Variants in TMEM243 observed in about 807,000 individuals in gnomAD.
TMEM243 encodes MDR1 and mitochondrial taxol resistance associated.
TMEM243 carries 20 observed loss-of-function variants against 15.0 expected under a neutral mutation model. That is an observed-to-expected ratio of 1.33 (90% CI 0.94 to 1.93). The LOEUF is 1.93. TMEM243 is among the 30% of genes most tolerant of loss of function. The pLI is 0.00. For missense variants in TMEM243, 156 were observed against 142.1 expected, an observed-to-expected ratio of 1.10 and a Z score of -0.50; for synonymous variants, 72 against 52.7, an observed-to-expected ratio of 1.37 and a Z score of -1.59.
At chr7:87,209,958 G>T (rs114581935) in intron 1 of TMEM243, among the ~76,000 whole-genome samples, 3,084 of 127,218 alleles carry the variant, frequency 0.024, 154 homozygotes, top group African/African-American at 0.089. Flanking sequence ...CAGAGAGACA[G>T]AGGAGGGGGA....
intron 1 of TMEM243, among the ~76,000 whole-genome samples, chr7:87,201,624 T>C (rs994016351): frequency 1.3e-5 from 2 of 152,214 alleles, no homozygotes; most frequent in Admixed American, 1.3e-4. Context: ...AAAGGACAGT[T>C]TGGGGAATAA....
chr7:87,200,705 C>CT (rs1352208085), intron 1 of TMEM243, among the ~76,000 whole-genome samples: 1 of 152,192 alleles, frequency 6.6e-6, no homozygotes. Context: ...GGTAATATGA[C>CT]TGTTTCACAG....
At chr7:87,200,906 A>G (rs796374267) in intron 1 of TMEM243, among the ~76,000 whole-genome samples, 10 of 152,354 alleles carry the variant, frequency 6.6e-5, no homozygotes, top group African/African-American at 2.4e-4. Flanking sequence ...GCCTATTAGC[A>G]AAGTACTACA....
chr7:87,218,200 T>C (rs865998864), intron 1 of TMEM243, among the ~76,000 whole-genome samples: 25 of 152,336 alleles, frequency 1.6e-4, no homozygotes, highest in African/African-American at 6.0e-4. Flanking sequence ...AAGTACATAA[T>C]GGTCAATAAA....
chr7:87,196,693 AAATATGATATAGTAAATTAGCTTT>A lies in TMEM243; in HGVS notation c.276_299del (p.Arg92_Phe100delinsSer). On this transcript the variant is annotated inframe_deletion, in exon 4 of 4. Coordinates refer to ENST00000257637, the MANE Select transcript of TMEM243 (RefSeq NM_024315.4). Reference sequence around the variant, plus strand: ...CACATATACACAACATGATGATAGAAAATATGATATAGTAAATTAGCTTTCTAAATTTCGGTTCTAAGTCTCCTT... The same window carrying A: ...CACATATACACAACATGATGATAGAACTAAATTTCGGTTCTAAGTCTCCTT... 6.2e-7 allele frequency: 1 copy of A among 1,610,000 alleles called. No homozygotes were observed. Among genetic ancestry groups the A allele is most frequent in the Non-Finnish European group, 8.5e-7 (1 of 1,177,866 alleles).
intron 1 of TMEM243, among the ~76,000 whole-genome samples, chr7:87,205,341 A>AT (rs555923491): frequency 0.012 from 1,644 of 142,312 alleles, 10 homozygotes; most frequent in Middle Eastern, 0.043. Context: ...TCTCCTCAGG[A>AT]TTTTTTTTTT....
Position 87,196,641 on chromosome 7 carries a change from T to TTCCCACATCATGG in TMEM243, c.339_351dup (p.Arg118ProfsTer2). On this transcript the variant is annotated stop_gained and frameshift_variant, in exon 4 of 4. Transcript: ENST00000257637. LOFTEE classifies it high-confidence loss of function. ...AGTACTTCTCCTTGGCAGCCTCACC[T>TTCCCACATCATGG]TCCCACATCATGGAAGTACAGGTTT... The TTCCCACATCATGG allele has an allele frequency of 6.2e-7, 1 of 1,608,628 alleles. No homozygotes were observed. The highest frequency in any genetic ancestry group is 8.5e-7 in the Non-Finnish European group (1 of 1,177,658).
In TMEM243 at chr7:87,198,019, G is replaced by A. The variant is rs1801481716; in HGVS notation, c.156C>T (p.Phe52=). Residue 52 remains phenylalanine, a synonymous_variant, in exon 3 of 4, where the codon TTC becomes TTT. Coordinates refer to ENST00000257637, the MANE Select transcript of TMEM243 (RefSeq NM_024315.4). ...ILVTLISAFV[F]PQLPPKPLNI... is the part of the protein sequence containing the mutation. ...TCAACGGTTTTGGAGGTAGTTGAGG[G>A]AAAACAAAAGCACTTATCAGCGTTA... 7 of 1,612,592 alleles carry A rather than the reference G, an allele frequency of 4.3e-6. No individual in the cohort carries two copies. Among genetic ancestry groups the A allele is most frequent in the Non-Finnish European group, 5.9e-6 (7 of 1,179,058 alleles).
intron 1 of TMEM243, among the ~76,000 whole-genome samples, chr7:87,209,772 G>GACACAGTGAGAGCGAGAC (rs779839859): frequency 2.1e-5 from 1 of 46,826 alleles, no homozygotes; most frequent in African/African-American, 5.9e-5. Context: ...GTGAGAGCGA[G>GACACAGTGAGAGCGAGAC]ACAGAGCGAG....
chr7:87,206,626 A>G (rs973791702), intron 1 of TMEM243, among the ~76,000 whole-genome samples: 1 of 152,250 alleles, frequency 6.6e-6, no homozygotes, highest in African/African-American at 2.4e-5. Context: ...CAGGAGCAGG[A>G]CAGAGTGAGA....
In TMEM243 at chr7:87,215,918, C is replaced by T. The variant is rs929565992; in HGVS notation, c.78+3508G>A. 2.0e-5 allele frequency among the ~76,000 whole-genome samples: 3 copies of T among 152,140 alleles called. No individual in the cohort carries two copies. The South Asian group carries it at 6.2e-4, about 32-fold the overall frequency. On this transcript the variant is annotated intron_variant, in intron 1 of 3. Coordinates refer to ENST00000257637, the MANE Select transcript of TMEM243 (RefSeq NM_024315.4). Reference sequence around the variant, plus strand: ...CTTTGAGAGGCTGAGGTGGGAGGATCGCTTGAGGCCACTAGTTTGAGACCA... The same window carrying T: ...CTTTGAGAGGCTGAGGTGGGAGGATTGCTTGAGGCCACTAGTTTGAGACCA...
At chr7:87,218,965 CT>C (rs1189774277) in intron 1 of TMEM243, among the ~76,000 whole-genome samples, 1 of 152,166 alleles carries the variant, frequency 6.6e-6, no homozygotes, top group Admixed American at 6.5e-5. Flanking sequence ...CCTCAAGCCT[CT>C]CCCCTTTCCT....
chr7:87,201,516 C>T (rs1324287245), intron 1 of TMEM243, among the ~76,000 whole-genome samples: 1 of 152,274 alleles, frequency 6.6e-6, no homozygotes, highest in South Asian at 2.1e-4. Context: ...CTTCCCTGGG[C>T]CTAGAGATTA....
chr7:87,213,379 TGAGAG>T (rs1420669267), intron 1 of TMEM243, among the ~76,000 whole-genome samples: 1 of 152,322 alleles, frequency 6.6e-6, no homozygotes, highest in Admixed American at 6.5e-5. Flanking sequence ...GCAGGCTGAA[TGAGAG>T]GAGAGGAGAG....
intron 3 of TMEM243, chr7:87,197,573 A>G (rs1001833429): frequency 5.3e-5 from 24 of 453,010 alleles, no homozygotes; most frequent in Non-Finnish European, 7.3e-5. Context: ...AGAGTGCTCT[A>G]TCTCTTCCCT....
At position 87,219,450 on chromosome 7, in the gene TMEM243, A is replaced by G. The variant is rs1378098809; in HGVS notation, c.54T>C (p.Pro18=). ...TYGTSGLDNR[P]LFGETSAKDR... ...CCTTGGCGGACGTCTCCCCAAACAG[A>G]GGTCTGTTGTCCAGGCCACTGGTGC... The change falls in exon 1 of 4, where the codon CCT becomes CCC. Residue 18 remains proline, a synonymous_variant. Coordinates refer to ENST00000257637, the MANE Select transcript of TMEM243 (RefSeq NM_024315.4). The G allele has an allele frequency of 1.2e-6, 2 of 1,614,076 alleles. No individual in the cohort carries two copies. Among genetic ancestry groups the G allele is most frequent in the Non-Finnish European group, 1.7e-6 (2 of 1,180,038 alleles).
rs375982092 is a variant in TMEM243, at chr7:87,196,745, C to T, written c.248G>A (p.Arg83Gln). 39 of 1,570,804 alleles carry T rather than the reference C, an allele frequency of 2.5e-5. 1 individual carries two copies. Among genetic ancestry groups the T allele is most frequent in the East Asian group, 1.1e-4 (5 of 44,288 alleles). The change falls in exon 4 of 4, where the codon CGA becomes CAA. Residue 83 changes from arginine to glutamine, a missense_variant. Transcript: ENST00000257637. Reference protein sequence around the residue: ...ITACILIYWYRQGDLEPKFRK... With the variant: ...ITACILIYWYQQGDLEPKFRK... ...AAATTTCGGTTCTAAGTCTCCTTGT[C>T]GATACCAGTAGATCTAAAAGAAGAA...
At chr7:87,206,964 T>A (rs1279158265) in intron 1 of TMEM243, among the ~76,000 whole-genome samples, 1 of 152,262 alleles carries the variant, frequency 6.6e-6, no homozygotes, top group African/African-American at 2.4e-5. Flanking sequence ...TGTGCCTCAC[T>A]GCTGCAGGGC....
At chr7:87,197,575 C>T (rs1801403028) in intron 3 of TMEM243, 1 of 459,436 alleles carries the variant, frequency 2.2e-6, no homozygotes, top group Non-Finnish European at 3.6e-6. Context: ...AGTGCTCTAT[C>T]TCTTCCCTTA....
Sources: allele counts gnomAD v4.1 joint callset (sites outside exome capture counted in the v4.1 genomes callset), GRCh38; gene constraint gnomAD v4.1.1; transcripts MANE v1.5; gene names NCBI Gene and HGNC (gene_info 2026-07-23, HGNC 2026-07-21).